Variants in CSMD1 observed in about 807,000 individuals in gnomAD.
CSMD1 encodes CUB and Sushi multiple domains 1.
In CSMD1, 213 loss-of-function variants were observed where a neutral mutation model predicts 417.5. The ratio of observed to expected loss-of-function variants is 0.51; its 90% confidence interval spans 0.46 to 0.57. The LOEUF (loss-of-function observed/expected upper bound fraction) is 0.57. Among genes scored for constraint, CSMD1 ranks in the 20% least tolerant of loss-of-function variants. The pLI is 0.00. For missense variants in CSMD1, 6,923 were observed against 4,529.7 expected, an observed-to-expected ratio of 1.53 and a Z score of -15.17; for synonymous variants, 2,862 against 1,736.8, an observed-to-expected ratio of 1.65 and a Z score of -16.11.
At chr8:4,456,835 G>A (rs1271216451) in intron 2 of CSMD1, among the ~76,000 whole-genome samples, 3 of 152,038 alleles carry the variant, frequency 2.0e-5, no homozygotes, top group Non-Finnish European at 4.4e-5. Context: ...GGTACCTGCA[G>A]GACCCATCCT....
At chr8:3,883,817 C>A (rs1037405608) in intron 5 of CSMD1, among the ~76,000 whole-genome samples, 1 of 151,966 alleles carries the variant, frequency 6.6e-6, no homozygotes. Context: ...TTAACAACTA[C>A]TGATCAGAGG....
intron 9 of CSMD1, among the ~76,000 whole-genome samples, chr8:3,581,441 G>A (rs1329294109): frequency 6.6e-6 from 1 of 152,174 alleles, no homozygotes; most frequent in East Asian, 1.9e-4. Flanking sequence ...CGTTCTCAGA[G>A]CTAATTAGCT....
chr8:4,850,383 T>TA (rs1003771609), intron 1 of CSMD1, among the ~76,000 whole-genome samples: 8 of 35,156 alleles, frequency 2.3e-4, no homozygotes, highest in South Asian at 1.3e-3. Context: ...CCAATTTATC[T>TA]TTTTTTTTTT....
intron 5 of CSMD1, among the ~76,000 whole-genome samples, chr8:3,881,190 T>C (rs903178445): frequency 1.1e-4 from 16 of 151,998 alleles, no homozygotes; most frequent in African/African-American, 3.9e-4. Flanking sequence ...ATGGCAATTC[T>C]CTACAAATGT....
At chr8:2,957,938 T>C in intron 62 of CSMD1, 131 bp from the exon 63 acceptor site, 1 of 637,920 alleles carries the variant, frequency 1.6e-6, no homozygotes, top group Non-Finnish European at 2.9e-6. Context: ...AGCCACTGTC[T>C]AAGTCAACAT....
chr8:4,641,532 C>T (rs1042688005), intron 1 of CSMD1, among the ~76,000 whole-genome samples: 2 of 152,112 alleles, frequency 1.3e-5, no homozygotes, highest in East Asian at 3.9e-4. Context: ...AGTAGCCACA[C>T]ATCATGATTT....
intron 5 of CSMD1, among the ~76,000 whole-genome samples, chr8:3,787,861 C>G (rs769767822): frequency 6.6e-6 from 1 of 152,160 alleles, no homozygotes; most frequent in Non-Finnish European, 1.5e-5. Flanking sequence ...AGTTCTATCA[C>G]AAAATAGTAT....
At chr8:3,848,865 A>G (rs957980280) in intron 5 of CSMD1, among the ~76,000 whole-genome samples, 1 of 151,918 alleles carries the variant, frequency 6.6e-6, no homozygotes, top group Non-Finnish European at 1.5e-5. Context: ...CATTTTTTTC[A>G]GTCCAGAAAT....
At chr8:4,807,213 A>G (rs1053881767) in intron 1 of CSMD1, among the ~76,000 whole-genome samples, 69 of 152,148 alleles carry the variant, frequency 4.5e-4, no homozygotes, top group Non-Finnish European at 8.8e-5. Context: ...CTGCCTGTCC[A>G]CCACTCACCC....
At chr8:3,944,555 T>A (rs1055149776) in intron 5 of CSMD1, among the ~76,000 whole-genome samples, 1 of 152,124 alleles carries the variant, frequency 6.6e-6, no homozygotes, top group African/African-American at 2.4e-5. Flanking sequence ...TCAAGGAAAT[T>A]TAAATTGTCT....
At chr8:3,679,591 C>A (rs1220737652) in intron 7 of CSMD1, among the ~76,000 whole-genome samples, 2 of 152,132 alleles carry the variant, frequency 1.3e-5, no homozygotes, top group African/African-American at 4.8e-5. Context: ...TAATGGGAGT[C>A]TTTAACACCC....
intron 3 of CSMD1, among the ~76,000 whole-genome samples, chr8:4,301,992 T>G (rs915393735): frequency 3.3e-5 from 5 of 152,246 alleles, no homozygotes; most frequent in African/African-American, 1.2e-4. Flanking sequence ...TCAGATATGT[T>G]AGAACAAGTT....
At chr8:3,274,362 T>G (rs1414357003) in intron 26 of CSMD1, among the ~76,000 whole-genome samples, 4 of 152,220 alleles carry the variant, frequency 2.6e-5, no homozygotes, top group Admixed American at 6.5e-5. Context: ...GTGGTCAATT[T>G]TGGAGTAGGT....
At chr8:4,221,232 A>G (rs1247320375) in intron 3 of CSMD1, among the ~76,000 whole-genome samples, 3 of 152,194 alleles carry the variant, frequency 2.0e-5, no homozygotes, top group African/African-American at 4.8e-5. Flanking sequence ...CAACATATAT[A>G]AAATGAAATG....
intron 7 of CSMD1, among the ~76,000 whole-genome samples, chr8:3,647,994 G>A (rs1168682707): frequency 6.6e-6 from 1 of 152,214 alleles, no homozygotes; most frequent in Non-Finnish European, 1.5e-5. Context: ...TTTTCGAGGA[G>A]GCAGAACAGA....
chr8:3,345,359 A>G (rs750274259), intron 22 of CSMD1, among the ~76,000 whole-genome samples: 3 of 152,150 alleles, frequency 2.0e-5, no homozygotes, highest in Non-Finnish European at 4.4e-5. Flanking sequence ...TTCTTTATCC[A>G]TGTCATCAGC....
intron 1 of CSMD1, among the ~76,000 whole-genome samples, chr8:4,758,570 C>T (rs114936148): frequency 2.4e-3 from 358 of 152,312 alleles, no homozygotes; most frequent in African/African-American, 8.2e-3. Context: ...CATTTTCTCA[C>T]TGCTATACCA....
rs1214020786 is a variant in CSMD1 at position 3,612,298 on chromosome 8, T to C, written c.1097+4412A>G. On this transcript the variant is annotated intron_variant, in intron 8 of 69. Transcript: ENST00000635120. Reference sequence around the variant, plus strand: ...CGTACCTAATTACAGAGCTTCAAAATACATGAAGCAAAAACTGATAAAGCT... The same window carrying C: ...CGTACCTAATTACAGAGCTTCAAAACACATGAAGCAAAAACTGATAAAGCT... Among the ~76,000 whole-genome samples, 3 of 152,062 alleles carry C rather than the reference T, an allele frequency of 2.0e-5. No homozygotes were observed. In the East Asian group the frequency reaches 5.8e-4, roughly 29 times the overall value.
intron 11 of CSMD1, among the ~76,000 whole-genome samples, chr8:3,475,813 C>G (rs530967434): frequency 2.0e-5 from 3 of 152,328 alleles, no homozygotes; most frequent in Admixed American, 1.3e-4. Flanking sequence ...TCCTGCCTTA[C>G]AACTAGGGCA....
Sources: gnomAD v4.1 joint callset for allele counts (sites outside exome capture counted in the v4.1 genomes callset) on GRCh38, gnomAD v4.1.1 for gene constraint, MANE v1.5 for transcripts, NCBI Gene and HGNC (gene_info 2026-07-23, HGNC 2026-07-21) for gene names.